Variants in ANO10 observed in about 807,000 individuals in gnomAD.
ANO10 encodes anoctamin 10.
A neutral mutation model predicts 74.7 loss-of-function variants in ANO10; 77 were observed. The ratio of observed to expected loss-of-function variants is 1.03; its 90% CI spans 0.86 to 1.25. The LOEUF (loss-of-function observed/expected upper bound fraction) is 1.25, where lower values mean the gene tolerates loss of function less well. ANO10 is among the 50% of genes most tolerant of loss of function. The probability of loss-of-function intolerance (pLI) is 0.00; values close to 1 mark genes in which losing one functional copy is unlikely to be tolerated. For missense variants in ANO10, 721 were observed against 778.1 expected (o/e 0.93, Z 0.87); for synonymous variants, 279 against 284.9 (o/e 0.98, Z 0.21).
chr3:43,578,150 T>C (rs2081099049), intron 5 of ANO10, among the ~76,000 whole-genome samples: 2 of 152,198 alleles, frequency 1.3e-5, no homozygotes, highest in Non-Finnish European at 2.9e-5. Flanking sequence ...TAGAATGAAC[T>C]GAGATAGGCT....
In ANO10 at chr3:43,366,952, T is replaced by G; in HGVS notation, c.1937A>C (p.Asn646Thr). ...KQQQMKLVTE[N>T]LKEEPMESGK... is the part of the protein sequence containing the mutation. ...GCTTTCCATTGGTTCCTCCTTCAGG[T>G]TCTCGGTCACGAGCTTCATTTGCTG... Residue 646 changes from asparagine to threonine, a missense_variant, in exon 13 of 13, where the codon AAC (asparagine) becomes ACC (threonine). Asn to Thr is a moderately conservative substitution (Grantham distance 65, BLOSUM62 0). Transcript: ENST00000292246. The G allele has an allele frequency of 1.2e-6, 2 of 1,602,614 alleles. No homozygotes were observed. Among genetic ancestry groups the G allele is most frequent in the Non-Finnish European group, 1.7e-6 (2 of 1,174,560 alleles).
chr3:43,368,063 C>T (rs4682884), intron 12 of ANO10, among the ~76,000 whole-genome samples: 149,306 of 152,236 alleles, frequency 0.98, 73,283 homozygotes, highest in East Asian at 1. Flanking sequence ...AGATCTGCAG[C>T]ACCTCAGGAA....
intron 12 of ANO10, among the ~76,000 whole-genome samples, chr3:43,427,943 A>T (rs2092922229): frequency 6.6e-6 from 1 of 152,120 alleles, no homozygotes; most frequent in East Asian, 1.9e-4. Flanking sequence ...GGTGGCATAA[A>T]CTTGGGTGGC....
chr3:43,366,984 G>C lies in ANO10; in HGVS notation c.1915-10C>G, dbSNP rs1171231650. The C allele has an allele frequency of 1.9e-6, 3 of 1,593,820 alleles. No individual in the cohort carries two copies. Among genetic ancestry groups the C allele is most frequent in the Non-Finnish European group, 1.7e-6 (2 of 1,169,556 alleles). On this transcript the variant is annotated splice_polypyrimidine_tract_variant and intron_variant, in intron 12 of 12. Transcript: ENST00000292246. ...TCACGAGCTTCATTTGCTGTTAAGAGAAAACAGGACACCAGGTGAGCCACA... is the reference window on the plus strand; with the variant it reads ...TCACGAGCTTCATTTGCTGTTAAGACAAAACAGGACACCAGGTGAGCCACA...
At chr3:43,376,392 G>A (rs1470504558) in intron 12 of ANO10, among the ~76,000 whole-genome samples, 2 of 152,146 alleles carry the variant, frequency 1.3e-5, no homozygotes, top group Non-Finnish European at 2.9e-5. Flanking sequence ...AGTGGCCTGA[G>A]GCTGAGACAG....
chr3:43,617,835 C>A (rs189360256), intron 1 of ANO10, among the ~76,000 whole-genome samples: 1 of 152,028 alleles, frequency 6.6e-6, no homozygotes, highest in Non-Finnish European at 1.5e-5. Context: ...GAAACAGGAA[C>A]GAAAAGTATT....
intron 1 of ANO10, among the ~76,000 whole-genome samples, chr3:43,660,534 A>T (rs1350427295): frequency 6.6e-6 from 1 of 152,132 alleles, no homozygotes; most frequent in East Asian, 1.9e-4. Context: ...AAGCAAGAAG[A>T]CAAGATTAGA....
At position 43,495,673 on chromosome 3, in the gene ANO10, C is replaced by A. The variant is rs192807461; in HGVS notation, c.1797+54047G>T. 4.7e-3 allele frequency among the ~76,000 whole-genome samples: 716 copies of A among 151,972 alleles called. 5 individuals are homozygous for A. The highest frequency in any genetic ancestry group is 0.017 in the African/African-American group (688 of 41,476). On this transcript the variant is annotated intron_variant, in intron 11 of 12. Transcript: ENST00000292246. ...AAATTGAACCTAATGCCACCTCAGACAACATTTTGCCTATCCAATTTGTGA... is the reference window on the plus strand; with the variant it reads ...AAATTGAACCTAATGCCACCTCAGAAAACATTTTGCCTATCCAATTTGTGA...
chr3:43,573,398 A>G (rs979000738), intron 7 of ANO10, among the ~76,000 whole-genome samples: 1 of 152,204 alleles, frequency 6.6e-6, no homozygotes, highest in Non-Finnish European at 1.5e-5. Context: ...CCAGAAATCT[A>G]AACACCCTCA....
At chr3:43,648,381 A>G (rs574230878) in intron 1 of ANO10, among the ~76,000 whole-genome samples, 2 of 152,318 alleles carry the variant, frequency 1.3e-5, no homozygotes, top group East Asian at 1.9e-4. Flanking sequence ...GGGCGAGTCC[A>G]TAGAGTAAAG....
intron 7 of ANO10, among the ~76,000 whole-genome samples, chr3:43,566,003 C>T (rs555809287): frequency 3.3e-5 from 5 of 152,222 alleles, no homozygotes; most frequent in African/African-American, 7.2e-5. Context: ...CGAAGCAGGG[C>T]AAGGCATTGC....
chr3:43,381,364 G>T (rs1398729862), intron 12 of ANO10, among the ~76,000 whole-genome samples: 1 of 152,034 alleles, frequency 6.6e-6, no homozygotes, highest in Non-Finnish European at 1.5e-5. Context: ...AAGGTAAAGG[G>T]GTGGAAAAAG....
chr3:43,650,879 G>A (rs142250152), intron 1 of ANO10, among the ~76,000 whole-genome samples: 3,349 of 152,206 alleles, frequency 0.022, 74 homozygotes, highest in African/African-American at 0.055. Flanking sequence ...ACACACTTGC[G>A]GAAGTTATAT....
chr3:43,592,530 G>A lies in ANO10; in HGVS notation c.472+6002C>T, dbSNP rs984656897. On this transcript the variant is annotated intron_variant, in intron 4 of 12. Transcript: ENST00000292246. ...AGCAAACTCCAGCAGACCTGCAGCTGAGGGTCCTCACTGTTAGAAGGAAAA... is the reference window on the plus strand; with the variant it reads ...AGCAAACTCCAGCAGACCTGCAGCTAAGGGTCCTCACTGTTAGAAGGAAAA... Among the ~76,000 whole-genome samples the A allele has an allele frequency of 2.6e-5, 4 of 152,362 alleles. No homozygotes were observed. In the East Asian group the frequency reaches 5.8e-4, roughly 22 times the overall value.
At chr3:43,383,847 T>C (rs1396412286) in intron 12 of ANO10, among the ~76,000 whole-genome samples, 1 of 152,090 alleles carries the variant, frequency 6.6e-6, no homozygotes, top group African/African-American at 2.4e-5. Context: ...TTGAAGGCAT[T>C]ACCCCTGGAA....
chr3:43,627,009 A>G (rs2083498795), upstream of ANO10, among the ~76,000 whole-genome samples: 1 of 138,160 alleles, frequency 7.2e-6, no homozygotes, highest in African/African-American at 2.7e-5. Flanking sequence ...TAAATTGTTC[A>G]TCCAAGGTGA....
chr3:43,516,003 C>G (rs941585296), intron 11 of ANO10, among the ~76,000 whole-genome samples: 1 of 152,184 alleles, frequency 6.6e-6, no homozygotes, highest in African/African-American at 2.4e-5. Context: ...GAGGCATTAT[C>G]ATTCTCTTCG....
intron 1 of ANO10, among the ~76,000 whole-genome samples, chr3:43,615,709 A>G (rs565707416): frequency 8.6e-5 from 13 of 151,360 alleles, no homozygotes; most frequent in Non-Finnish European, 1.8e-4. Flanking sequence ...GCTGGAGTGC[A>G]GTGGCGCAAT....
intron 12 of ANO10, among the ~76,000 whole-genome samples, chr3:43,423,275 C>CT (rs1023387400): frequency 1.2e-4 from 18 of 152,060 alleles, no homozygotes; most frequent in African/African-American, 3.4e-4. Context: ...TTTTAAGACT[C>CT]TTTTTTTTGT....
Sources: gnomAD v4.1 joint callset for allele counts (sites outside exome capture counted in the v4.1 genomes callset) on GRCh38, gnomAD v4.1.1 for gene constraint, MANE v1.5 for transcripts, NCBI Gene and HGNC (gene_info 2026-07-23, HGNC 2026-07-21) for gene names.